Variants in FABP7 observed in about 807,000 individuals in gnomAD.
FABP7 encodes the protein fatty acid-binding protein, brain.
FABP7 carries 13 observed loss-of-function variants against 14.2 expected under a neutral mutation model. The observed-to-expected ratio is 0.91, with a 90% confidence interval of 0.59 to 1.45. FABP7 has a LOEUF of 1.45. Among genes scored for constraint, FABP7 ranks in the 40% most tolerant of loss-of-function variants. The pLI, the probability that FABP7 is intolerant of heterozygous loss-of-function variation, is 0.00. For missense variants in FABP7, 149 were observed against 157.6 expected (o/e 0.95, Z 0.29); for synonymous variants, 49 against 51.4 (o/e 0.95, Z 0.20).
chr6:122,768,745 A>G, the FABP7 span, among the ~76,000 whole-genome samples: 2 of 152,176 alleles, frequency 1.3e-5, no homozygotes, highest in African/African-American at 4.8e-5. Flanking sequence ...GTGCCCCCAG[A>G]TAATCAGAAT....
Position 122,781,109 on chromosome 6 carries a change from A to T in FABP7, c.263A>T (p.Asp88Val), listed in dbSNP as rs1780770710. The T allele has an allele frequency of 6.2e-7, 1 of 1,613,490 alleles. No homozygotes were observed. The highest frequency in any genetic ancestry group is 1.7e-5 in the Admixed American group (1 of 59,998). ...DRNCKSVVSL[D>V]GDKLVHIQKW... ...TGGTCTCAGTCTGTTGTTAGCCTGGATGGAGACAAACTTGTTCACATACAG... is the reference window on the plus strand; with the variant it reads ...TGGTCTCAGTCTGTTGTTAGCCTGGTTGGAGACAAACTTGTTCACATACAG... Residue 88 changes from aspartate to valine, a missense_variant, in exon 3 of 4, where the codon GAT becomes GTT. Coordinates refer to ENST00000368444, the MANE Select transcript of FABP7 (RefSeq NM_001446.5).
chr6:122,780,458 T>A lies in FABP7; in HGVS notation c.241T>A (p.Cys81Ser). Residue 81 changes from cysteine (C) to serine (S), a missense_variant, in exon 2 of 4, where the codon TGT (cysteine) becomes AGT (serine). By Grantham distance (112) the Cys-to-Ser change is moderately radical. Coordinates refer to ENST00000368444, the MANE Select transcript of FABP7 (RefSeq NM_001446.5). ...TGAAACCACTGCAGATGATAGAAAC[T>A]GTAAGGTGAGAAACTGCTTCTTCTT... ...FDETTADDRN[C>S]KSVVSLDGDK... 6.2e-7 allele frequency: 1 copy of A among 1,610,328 alleles called. No homozygotes were observed. Among genetic ancestry groups the A allele is most frequent in the Non-Finnish European group, 8.5e-7 (1 of 1,179,102 alleles).
chr6:122,779,093 T>C (rs560101464), upstream of FABP7, among the ~76,000 whole-genome samples: 3 of 152,254 alleles, frequency 2.0e-5, no homozygotes, highest in Non-Finnish European at 4.4e-5. Context: ...CCCAAATTAG[T>C]GTGCTTCCTC....
At chr6:122,769,295 A>G in the FABP7 span, among the ~76,000 whole-genome samples, 1 of 152,188 alleles carries the variant, frequency 6.6e-6, no homozygotes. Context: ...ATTACAGATT[A>G]CACAATGTAT....
At chr6:122,780,083 G>A (rs139985888) in intron 1 of FABP7, among the ~76,000 whole-genome samples, 4 of 152,160 alleles carry the variant, frequency 2.6e-5, no homozygotes, top group Non-Finnish European at 5.9e-5. Context: ...TTGCTATTCC[G>A]TGGAGAATAT....
At chr6:122,756,708 C>T in the FABP7 span, among the ~76,000 whole-genome samples, 2 of 152,166 alleles carry the variant, frequency 1.3e-5, no homozygotes, top group Non-Finnish European at 2.9e-5. Context: ...CCACTCTCCT[C>T]CAGTCTATGG....
In FABP7 at chr6:122,780,648, A is replaced by G. The variant is rs139052501; in HGVS notation, c.246+185A>G. 17 of 639,928 alleles carry G rather than the reference A, an allele frequency of 2.7e-5. No homozygotes were observed. In the East Asian group the frequency reaches 4.5e-4, roughly 17 times the overall value. The allele number at this position is 639,928 out of a possible 1,614,324, so 39.6% of individuals were successfully genotyped here. A position where few individuals can be genotyped will look rare whatever the true frequency, so the allele number is the denominator to read the frequency against. On this transcript the variant is annotated intron_variant, in intron 2 of 3. Transcript: ENST00000368444. Reference sequence around the variant, plus strand: ...ATATTTTGAACAATGGGTACTTGCTATAGCATAAATCTCAGTTGTATTTGT... The same window carrying G: ...ATATTTTGAACAATGGGTACTTGCTGTAGCATAAATCTCAGTTGTATTTGT...
chr6:122,782,605 TTGA>T, intron 3 of FABP7: 3 of 985,468 alleles, frequency 3.0e-6, no homozygotes, highest in Non-Finnish European at 3.6e-6. Context: ...CAATGGTATA[TTGA>T]TGATACTGAC....
At chr6:122,764,023 C>G in the FABP7 span, among the ~76,000 whole-genome samples, 4 of 152,176 alleles carry the variant, frequency 2.6e-5, no homozygotes, top group African/African-American at 9.7e-5. Flanking sequence ...CCATTTGACC[C>G]AGTGATCCCA....
intron 3 of FABP7, chr6:122,781,964 C>T (rs1162140575): frequency 6.0e-6 from 4 of 667,496 alleles, no homozygotes; most frequent in Non-Finnish European, 7.4e-6. Context: ...GGCTGGCCTA[C>T]AGCTCTTGAG....
the FABP7 span, among the ~76,000 whole-genome samples, chr6:122,754,518 A>C: frequency 6.6e-6 from 1 of 152,050 alleles, no homozygotes; most frequent in Admixed American, 6.5e-5. Flanking sequence ...CAAGACCTTC[A>C]AGATCTCAAC....
chr6:122,783,947 T>A lies in FABP7; in HGVS notation c.*180T>A, dbSNP rs112952764. 18 of 448,468 alleles carry A rather than the reference T, an allele frequency of 4.0e-5. No individual in the cohort carries two copies. The highest frequency in any genetic ancestry group is 2.3e-4 in the African/African-American group (11 of 48,574). 27.8% of individuals were successfully genotyped at this position (448,468 alleles called of 1,614,324 possible). On this transcript the variant is annotated 3_prime_UTR_variant, in exon 4 of 4. Transcript: ENST00000368444. ...AACTTGCCCAATTTTAATCTGAAAATTTATCATGTTTTATAATTTGAATTA... is the reference window on the plus strand; with the variant it reads ...AACTTGCCCAATTTTAATCTGAAAAATTATCATGTTTTATAATTTGAATTA...
intron 3 of FABP7, 152 bp downstream of exon 3, chr6:122,781,346 A>G (rs1215338339): frequency 6.7e-7 from 1 of 1,483,606 alleles, no homozygotes; most frequent in Admixed American, 2.2e-5. Flanking sequence ...AACTATATGT[A>G]AAACAGGGGA....
the FABP7 span, among the ~76,000 whole-genome samples, chr6:122,767,671 G>A: frequency 1.3e-5 from 2 of 151,586 alleles, no homozygotes; most frequent in African/African-American, 4.9e-5. Context: ...CCCACTTAGG[G>A]AGACAGAGGT....
upstream of FABP7, among the ~76,000 whole-genome samples, chr6:122,775,444 A>G (rs1780655512): frequency 6.6e-6 from 1 of 152,138 alleles, no homozygotes; most frequent in Non-Finnish European, 1.5e-5. Context: ...GGTGTTGGAA[A>G]AACTGGATAA....
chr6:122,783,575 G>T (rs1780847466), intron 3 of FABP7, 142 bp from the exon 4 acceptor site: 1 of 1,388,028 alleles, frequency 7.2e-7, no homozygotes, highest in Middle Eastern at 2.3e-4. Flanking sequence ...CTCTTTTCAA[G>T]ATGTGAAATG....
chr6:122,772,335 G>A, the FABP7 span, among the ~76,000 whole-genome samples: 2 of 152,034 alleles, frequency 1.3e-5, no homozygotes, highest in African/African-American at 4.8e-5. Flanking sequence ...TTAAATAATG[G>A]GAGGTAAAAG....
the FABP7 span, among the ~76,000 whole-genome samples, chr6:122,771,310 T>C: frequency 2.6e-3 from 396 of 152,306 alleles, 2 homozygotes; most frequent in African/African-American, 8.9e-3. Context: ...ATTCCCTATA[T>C]GTTGTCCTGT....
At chr6:122,762,475 T>C in the FABP7 span, among the ~76,000 whole-genome samples, 1 of 152,160 alleles carries the variant, frequency 6.6e-6, no homozygotes, top group African/African-American at 2.4e-5. Context: ...CTTTGAAAAC[T>C]GGCACAAGAC....
Sources: gnomAD v4.1 joint callset for allele counts (sites outside exome capture counted in the v4.1 genomes callset) on GRCh38, gnomAD v4.1.1 for gene constraint, MANE v1.5 for transcripts, NCBI Gene and HGNC (gene_info 2026-07-23, HGNC 2026-07-21) for gene names.